LRRC2: variants seen among roughly 807,000 people sequenced by gnomAD.
LRRC2 encodes leucine rich repeat containing 2, also known as leucine-rich repeat-containing protein 2.
LRRC2 carries 27 observed loss-of-function variants against 40.2 expected under a neutral mutation model. That is an observed-to-expected ratio of 0.67 (90% CI 0.49 to 0.93). The LOEUF (loss-of-function observed/expected upper bound fraction) is 0.93, where lower values mean the gene tolerates loss of function less well. Ranked by LOEUF, LRRC2 falls within the 40% of genes least tolerant of loss-of-function variation. The pLI is 0.00. For synonymous variants in LRRC2, 147 were observed against 158.9 expected (o/e 0.92, Z 0.56); for missense variants, 402 against 439.6 (o/e 0.91, Z 0.76).
At chr3:46,554,921 T>G (rs1293180095) in intron 1 of LRRC2, among the ~76,000 whole-genome samples, 1 of 152,194 alleles carries the variant, frequency 6.6e-6, no homozygotes, top group Non-Finnish European at 1.5e-5. Flanking sequence ...ACTGTCTTTT[T>G]TATTATAGCC....
At chr3:46,532,661 T>G in intron 5 of LRRC2, 112 bp downstream of exon 5, 1 of 1,154,288 alleles carries the variant, frequency 8.7e-7, no homozygotes, top group Non-Finnish European at 1.2e-6. Context: ...CAGGAAAAGG[T>G]GATATAATAA....
chr3:46,554,732 A>C (rs374534914), intron 1 of LRRC2, among the ~76,000 whole-genome samples: 2 of 152,036 alleles, frequency 1.3e-5, no homozygotes, highest in Non-Finnish European at 2.9e-5. Flanking sequence ...TTGTGTGTAC[A>C]TTTGTTGTCT....
At chr3:46,538,278 T>C (rs1470128005) in intron 4 of LRRC2, among the ~76,000 whole-genome samples, 1 of 152,226 alleles carries the variant, frequency 6.6e-6, no homozygotes, top group Non-Finnish European at 1.5e-5. Context: ...ATGATCACTG[T>C]CATTTTCATT....
intron 7 of LRRC2, among the ~76,000 whole-genome samples, chr3:46,523,604 G>A (rs1463520490): frequency 6.6e-6 from 1 of 152,106 alleles, no homozygotes; most frequent in Admixed American, 6.6e-5. Context: ...TAGATTCCAT[G>A]TTTAACATTT....
intron 2 of LRRC2, 64 bp downstream of exon 2, chr3:46,551,403 C>G (rs1301614062): frequency 2.6e-6 from 4 of 1,568,542 alleles, no homozygotes; most frequent in Middle Eastern, 1.7e-4. Context: ...CACAACGCAA[C>G]TGTTGCCTGT....
rs1168369239 is a variant in LRRC2, at chr3:46,515,679, T to C, written c.*3335A>G. The C allele has an allele frequency of 3.3e-5, 5 of 152,296 alleles. No individual in the cohort carries two copies. The highest frequency in any genetic ancestry group is 2.1e-4 in the South Asian group (1 of 4,834). 9.4% of individuals were successfully genotyped at this position (152,296 alleles called of 1,614,324 possible). A position where few individuals can be genotyped will look rare whatever the true frequency, so the allele number is the denominator to read the frequency against. ...GCAGTATTTTTTTCATATGTGACAG[T>C]GAAACAAGGTTTTTAAACAAAAAAC... On this transcript the variant is annotated 3_prime_UTR_variant, in exon 9 of 9. Transcript: ENST00000395905.
At chr3:46,563,172 C>T (rs1466168964) in intron 1 of LRRC2, among the ~76,000 whole-genome samples, 1 of 152,138 alleles carries the variant, frequency 6.6e-6, no homozygotes, top group Non-Finnish European at 1.5e-5. Flanking sequence ...TTTCTCACCA[C>T]CAACTAGTGT....
intron 1 of LRRC2, among the ~76,000 whole-genome samples, chr3:46,564,087 T>C (rs1011881680): frequency 1.3e-5 from 2 of 151,758 alleles, no homozygotes; most frequent in African/African-American, 2.4e-5. Context: ...GTTCCCAATC[T>C]AGAGGGGAGA....
At position 46,532,129 on chromosome 3, in the gene LRRC2, T is replaced by G. The variant is rs987873610; in HGVS notation, c.627+644A>C. Among the ~76,000 whole-genome samples the G allele has an allele frequency of 1.5e-4, 23 of 152,330 alleles. No individual in the cohort carries two copies. The South Asian group carries it at 2.1e-3, about 14-fold the overall frequency. ...GAGTATATAAAAAATTTTACCCCTT[T>G]TATTTTCAATTTTACCATTGTGGAT... On this transcript the variant is annotated intron_variant, in intron 5 of 8. Transcript: ENST00000395905.
At chr3:46,554,689 T>C (rs1371627188) in intron 1 of LRRC2, among the ~76,000 whole-genome samples, 1 of 151,568 alleles carries the variant, frequency 6.6e-6, no homozygotes, top group Non-Finnish European at 1.5e-5. Context: ...CTAAAGGAGA[T>C]TTTTGACAAA....
chr3:46,562,016 T>C (rs899531853), intron 1 of LRRC2, among the ~76,000 whole-genome samples: 2 of 152,228 alleles, frequency 1.3e-5, no homozygotes, highest in Non-Finnish European at 2.9e-5. Context: ...TTTTAAACTA[T>C]ATCCACAAAG....
intron 1 of LRRC2, among the ~76,000 whole-genome samples, chr3:46,554,262 C>A (rs572825105): frequency 1.0e-5 from 1 of 95,924 alleles, no homozygotes; most frequent in Non-Finnish European, 2.2e-5. Flanking sequence ...CTCAAGCAAT[C>A]CACCCACCTA....
chr3:46,549,234 T>G (rs1704591733), intron 2 of LRRC2, among the ~76,000 whole-genome samples: 1 of 152,264 alleles, frequency 6.6e-6, no homozygotes. Flanking sequence ...TTGCCTTTTA[T>G]AATCAGGCAG....
At chr3:46,519,825 G>A (rs1703934342) in intron 8 of LRRC2, among the ~76,000 whole-genome samples, 1 of 152,116 alleles carries the variant, frequency 6.6e-6, no homozygotes, top group Non-Finnish European at 1.5e-5. Context: ...TTGGTCTGAT[G>A]GGGAAAGAAG....
intron 3 of LRRC2, among the ~76,000 whole-genome samples, chr3:46,541,332 CAAAAAA>C (rs571449281): frequency 1.6e-5 from 1 of 63,946 alleles, no homozygotes; most frequent in Non-Finnish European, 3.2e-5. Context: ...GACTCCGTCT[CAAAAAA>C]AAAAAAAAAA....
rs759901693 is a variant in LRRC2 at position 46,545,205 on chromosome 3, G to T, written c.174C>A (p.Ile58=). 1.2e-6 allele frequency: 2 copies of T among 1,614,178 alleles called. No individual in the cohort carries two copies. The highest frequency in any genetic ancestry group is 4.5e-5 in the East Asian group (2 of 44,884). The change falls in exon 3 of 9, where the codon ATC becomes ATA. Residue 58 remains isoleucine (I), a synonymous_variant. Transcript: ENST00000395905. ...CATTCTTGCAGTATACAGCCTGGGG[G>T]ATGCCCTTCCTCCTGCATTCGGCCA... ...NFVAECRRKG[I]PQAVYCKNGF...
chr3:46,549,619 T>C (rs190032065), intron 2 of LRRC2, among the ~76,000 whole-genome samples: 11 of 152,294 alleles, frequency 7.2e-5, no homozygotes. Context: ...CTCAATCCTA[T>C]GTACATGAGA....
intron 1 of LRRC2, 141 bp from the exon 2 acceptor site, chr3:46,551,751 C>CTTTTTTTTTTTTTTTTT (rs748541390): frequency 7.5e-6 from 1 of 133,972 alleles, no homozygotes; most frequent in East Asian, 3.8e-4. Flanking sequence ...TGACAGTTTG[C>CTTTTTTTTTTTTTTTTT]TTTTTTTTTT....
intron 4 of LRRC2, 137 bp from the exon 5 acceptor site, chr3:46,533,046 G>T: frequency 1.1e-6 from 1 of 871,750 alleles, no homozygotes; most frequent in Non-Finnish European, 1.7e-6. Flanking sequence ...TTTGGGTTTT[G>T]GGGGGTGTAT....
Sources: allele counts gnomAD v4.1 joint callset (sites outside exome capture counted in the v4.1 genomes callset), GRCh38; gene constraint gnomAD v4.1.1; transcripts MANE v1.5; gene names NCBI Gene and HGNC (gene_info 2026-07-23, HGNC 2026-07-21).